Variants in EXOC4 observed in about 807,000 individuals in gnomAD.
The protein encoded by EXOC4 is exocyst complex component 4.
Under a neutral mutation model 107.2 loss-of-function variants are expected in EXOC4, and 71 were observed. The observed-to-expected ratio is 0.66, with a 90% CI of 0.55 to 0.81. EXOC4 has a LOEUF of 0.81. Ranked by LOEUF, EXOC4 falls within the 30% of genes least tolerant of loss-of-function variation. The pLI, the probability that EXOC4 is intolerant of heterozygous loss-of-function variation, is 0.00. For synonymous variants in EXOC4, 456 were observed against 441.2 expected, an observed-to-expected ratio of 1.03 and a Z score of -0.42; for missense variants, 1,108 against 1,189.6, an observed-to-expected ratio of 0.93 and a Z score of 1.01.
intron 9 of EXOC4, among the ~76,000 whole-genome samples, chr7:133,623,001 T>C (rs1802370216): frequency 6.6e-6 from 1 of 152,188 alleles, no homozygotes; most frequent in African/African-American, 2.4e-5. Flanking sequence ...CCTCCATTTT[T>C]TCATCTCTAT....
At chr7:133,290,910 G>A (rs1794390248) in intron 3 of EXOC4, 1 of 152,198 alleles carries the variant, frequency 6.6e-6, no homozygotes, top group Non-Finnish European at 1.5e-5. Flanking sequence ...TTCTCTGCAT[G>A]CCCTCTTCAT....
chr7:133,887,042 G>A lies in EXOC4; in HGVS notation c.1735-8557G>A, dbSNP rs1037480260. ...AATCATATAGCATCACAGAGGCTCT[G>A]CACTGAGCACAACCATTAGAATTAA... On this transcript the variant is annotated intron_variant, in intron 11 of 17. Coordinates refer to ENST00000253861, the MANE Select transcript of EXOC4 (RefSeq NM_021807.4). 3.3e-5 allele frequency among the ~76,000 whole-genome samples: 5 copies of A among 152,186 alleles called. No individual in the cohort carries two copies. The East Asian group carries it at 7.7e-4, about 23-fold the overall frequency.
At chr7:133,726,256 A>G (rs529364740) in intron 10 of EXOC4, among the ~76,000 whole-genome samples, 12 of 152,234 alleles carry the variant, frequency 7.9e-5, no homozygotes, top group Non-Finnish European at 1.8e-4. Context: ...CGGAAAACTG[A>G]GAAAAGAAGA....
chr7:133,659,625 C>T lies in EXOC4; in HGVS notation c.1514+29484C>T, dbSNP rs564678567. Among the ~76,000 whole-genome samples, 29 of 152,244 alleles carry T rather than the reference C, an allele frequency of 1.9e-4. 2 individuals are homozygous for T. In the South Asian group the frequency reaches 5.2e-3, roughly 27 times the overall value. Reference sequence around the variant, plus strand: ...TGTAAGTGTGGATTCCTGGTCCTTACGTTGGACCTACTGAATCAGAACCTC... The same window carrying T: ...TGTAAGTGTGGATTCCTGGTCCTTATGTTGGACCTACTGAATCAGAACCTC... On this transcript the variant is annotated intron_variant, in intron 10 of 17. Coordinates refer to ENST00000253861, the MANE Select transcript of EXOC4 (RefSeq NM_021807.4).
intron 10 of EXOC4, among the ~76,000 whole-genome samples, chr7:133,783,525 G>A (rs893129131): frequency 6.6e-6 from 1 of 152,220 alleles, no homozygotes; most frequent in African/African-American, 2.4e-5. Context: ...CAGAGGGCCA[G>A]AATGTTCATA....
chr7:133,838,568 C>T (rs1797965040), intron 11 of EXOC4, among the ~76,000 whole-genome samples: 1 of 152,134 alleles, frequency 6.6e-6, no homozygotes. Flanking sequence ...TTAATATTCA[C>T]TTTCATCACC....
At chr7:134,030,364 T>G (rs932154970) in intron 17 of EXOC4, among the ~76,000 whole-genome samples, 1 of 152,164 alleles carries the variant, frequency 6.6e-6, no homozygotes, top group Non-Finnish European at 1.5e-5. Context: ...AAACAAAATG[T>G]GGTATATCCA....
intron 17 of EXOC4, among the ~76,000 whole-genome samples, chr7:134,032,248 A>G (rs909106814): frequency 6.6e-6 from 1 of 152,204 alleles, no homozygotes; most frequent in African/African-American, 2.4e-5. Context: ...ATATTACACT[A>G]AAGCATTCAG....
chr7:133,710,467 T>C (rs951324466), intron 10 of EXOC4, among the ~76,000 whole-genome samples: 28 of 151,768 alleles, frequency 1.8e-4, no homozygotes, highest in Admixed American at 1.8e-3. Flanking sequence ...GAGACCATCC[T>C]GGCTAAAACA....
At chr7:133,955,887 C>G (rs1800807502) in intron 14 of EXOC4, among the ~76,000 whole-genome samples, 1 of 152,254 alleles carries the variant, frequency 6.6e-6, no homozygotes, top group Admixed American at 6.5e-5. Context: ...AGAGTGGGCA[C>G]TGGGAGCAGG....
chr7:133,913,071 G>C (rs1447573163), intron 12 of EXOC4, among the ~76,000 whole-genome samples: 1 of 152,122 alleles, frequency 6.6e-6, no homozygotes, highest in Non-Finnish European at 1.5e-5. Context: ...AAACAAGGAG[G>C]ATGAGAAAAA....
intron 5 of EXOC4, among the ~76,000 whole-genome samples, chr7:133,335,287 G>T (rs1584824157): frequency 6.6e-6 from 1 of 152,108 alleles, no homozygotes. Context: ...TATTCACACT[G>T]TTGTGCAGCC....
intron 10 of EXOC4, among the ~76,000 whole-genome samples, chr7:133,755,233 TAA>T (rs1491367844): frequency 3.6e-5 from 4 of 110,886 alleles, no homozygotes; most frequent in Admixed American, 3.0e-4. Flanking sequence ...TATATATATA[TAA>T]TATATATAAT....
At chr7:133,592,267 T>C (rs939489254) in intron 9 of EXOC4, among the ~76,000 whole-genome samples, 13 of 152,230 alleles carry the variant, frequency 8.5e-5, no homozygotes, top group African/African-American at 2.9e-4. Flanking sequence ...GGTCTTGCCA[T>C]GTTGCCTAGG....
chr7:133,567,771 C>T (rs887881934), intron 9 of EXOC4, among the ~76,000 whole-genome samples: 18 of 152,148 alleles, frequency 1.2e-4, no homozygotes, highest in African/African-American at 4.3e-4. Context: ...GAAATGAACA[C>T]AGGAGACAGA....
chr7:133,771,144 C>T (rs1025051603), intron 10 of EXOC4, among the ~76,000 whole-genome samples: 4 of 151,890 alleles, frequency 2.6e-5, no homozygotes, highest in African/African-American at 9.7e-5. Flanking sequence ...TATAGAGAAT[C>T]TGGGGAGGGT....
rs558807405 is a variant in EXOC4, at chr7:133,780,957, C to T, written c.1515-36368C>T. Among the ~76,000 whole-genome samples the T allele has an allele frequency of 5.3e-5, 8 of 152,288 alleles. No homozygotes were observed. The East Asian group carries it at 9.6e-4, about 18-fold the overall frequency. The stretch of plus-strand genomic sequence containing the variant: ...ATCCCTTTTGTGATATGTTGCGCTT[C>T]ATGGTGACTCCACTATGACATCACA... On this transcript the variant is annotated intron_variant, in intron 10 of 17. Transcript: ENST00000253861.
intron 12 of EXOC4, among the ~76,000 whole-genome samples, chr7:133,897,972 T>C (rs1799357318): frequency 1.3e-5 from 2 of 152,078 alleles, no homozygotes. Flanking sequence ...AAACTTTGTA[T>C]GGTTTGAGCA....
intron 10 of EXOC4, among the ~76,000 whole-genome samples, chr7:133,669,201 G>T (rs1044893889): frequency 6.6e-6 from 1 of 152,000 alleles, no homozygotes; most frequent in African/African-American, 2.4e-5. Flanking sequence ...GGAGGGGTAA[G>T]GAGCCAAATC....
Sources: gnomAD v4.1 joint callset for allele counts (sites outside exome capture counted in the v4.1 genomes callset) on GRCh38, gnomAD v4.1.1 for gene constraint, MANE v1.5 for transcripts, NCBI Gene and HGNC (gene_info 2026-07-23, HGNC 2026-07-21) for gene names.